Variants in SPAG5 observed in about 807,000 individuals in gnomAD.
SPAG5 encodes sperm associated antigen 5.
In SPAG5, 99 loss-of-function variants were observed where a neutral mutation model predicts 145.4. The observed-to-expected ratio is 0.68, with a 90% CI of 0.58 to 0.80. The LOEUF (loss-of-function observed/expected upper bound fraction) is 0.80. Ranked by LOEUF, SPAG5 falls within the 30% of genes least tolerant of loss-of-function variation. SPAG5 has a pLI of 0.00. For synonymous variants in SPAG5, 477 were observed against 525.4 expected, an observed-to-expected ratio of 0.91 and a Z score of 1.26; for missense variants, 1,192 against 1,416.0, an observed-to-expected ratio of 0.84 and a Z score of 2.54.
In SPAG5 at chr17:28,579,785, G is replaced by C; in HGVS notation, c.2850C>G (p.Thr950=). 1 of 1,614,166 alleles carries C rather than the reference G, an allele frequency of 6.2e-7. No homozygotes were observed. The highest frequency in any genetic ancestry group is 8.5e-7 in the Non-Finnish European group (1 of 1,180,020). ...GAAGGGAAACCATTGATGCTACTCG[G>C]GTGAAAGCACTCTTGTCACTTCCAA... ...PLLGSDKSAF[T]RVASMVSLQP... is the part of the protein sequence containing the mutation. Residue 950 remains threonine, a synonymous_variant, in exon 17 of 24, where the codon ACC becomes ACG. Transcript: ENST00000321765.
chr17:28,584,028 T>A, intron 13 of SPAG5, 42 bp from the exon 14 acceptor site: 1 of 1,613,044 alleles, frequency 6.2e-7, no homozygotes, highest in South Asian at 1.1e-5. Flanking sequence ...AGGGAGAATT[T>A]TAGTGCCCTG....
rs1408310342 is a variant in SPAG5, at chr17:28,578,163, G to A, written c.3429+55C>T. The A allele has an allele frequency of 8.1e-6, 13 of 1,608,712 alleles. 1 individual carries two copies. The highest frequency in any genetic ancestry group is 4.4e-5 in the South Asian group (4 of 90,960). ...TTGGTAGGACAGGGGAAACATGGCG[G>A]GGCATTTGTTAACGATGGTAGGAAA... On this transcript the variant is annotated intron_variant, in intron 22 of 23. Coordinates refer to ENST00000321765, the MANE Select transcript of SPAG5 (RefSeq NM_006461.4).
At chr17:28,584,592 C>T in intron 11 of SPAG5, 60 bp downstream of exon 11, 1 of 1,598,870 alleles carries the variant, frequency 6.3e-7, no homozygotes, top group Non-Finnish European at 8.6e-7. Context: ...TGCCACACTC[C>T]AAGCCTTAAC....
rs2070540792 is a variant in SPAG5, at chr17:28,580,114, G to T, written c.2692C>A (p.Gln898Lys). 1 of 1,612,908 alleles carries T rather than the reference G, an allele frequency of 6.2e-7. No homozygotes were observed. The highest frequency in any genetic ancestry group is 8.5e-7 in the Non-Finnish European group (1 of 1,179,250). Residue 898 changes from glutamine to lysine, a missense_variant, in exon 16 of 24, where the codon CAA becomes AAA. Gln to Lys is a moderately conservative substitution (Grantham distance 53). Around this residue, in one of 5 missense-constraint regions of SPAG5, gnomAD observed 709 missense variants for 840.7 expected, o/e 0.84. Coordinates refer to ENST00000321765, the MANE Select transcript of SPAG5 (RefSeq NM_006461.4). ...LQTKLKEKTE[Q>K]ETLLLSTACP... ...GCTGTACTCAGCAGAAGGGTCTCTT[G>T]TTCAGTCTAAGGGCAAAGAAGAAAA...
At chr17:28,597,012 G>A (rs1228539545) in intron 2 of SPAG5, among the ~76,000 whole-genome samples, 2 of 151,794 alleles carry the variant, frequency 1.3e-5, no homozygotes, top group African/African-American at 2.4e-5. Flanking sequence ...GCTTGAACCC[G>A]GGAGGCAGAG....
At chr17:28,588,990 T>C (rs1220597766) in intron 4 of SPAG5, among the ~76,000 whole-genome samples, 2 of 151,892 alleles carry the variant, frequency 1.3e-5, no homozygotes, top group Non-Finnish European at 2.9e-5. Flanking sequence ...CCAACAGTGG[T>C]CTTTTAGCTA....
Position 28,585,880 on chromosome 17 carries a change from A to T in SPAG5, c.1724T>A (p.Leu575His), listed in dbSNP as rs1440946164. 1 of 1,614,084 alleles carries T rather than the reference A, an allele frequency of 6.2e-7. No individual in the cohort carries two copies. The highest frequency in any genetic ancestry group is 1.7e-5 in the Admixed American group (1 of 60,006). Residue 575 changes from leucine (L) to histidine (H), a missense_variant, in exon 7 of 24, where the codon CTC (leucine) becomes CAC (histidine). By Grantham distance (99) the Leu-to-His change is moderately conservative. Coordinates refer to ENST00000321765, the MANE Select transcript of SPAG5 (RefSeq NM_006461.4). ...TCACCTTACCGCATCCTTGCCTCTGAGAGCCATTTCCTCTCTGTGCCTTGC... is the reference window on the plus strand; with the variant it reads ...TCACCTTACCGCATCCTTGCCTCTGTGAGCCATTTCCTCTCTGTGCCTTGC... ...EEARHREEMA[L>H]RGKDAAEIVL...
chr17:28,582,136 T>C (rs974026704), intron 15 of SPAG5, among the ~76,000 whole-genome samples: 1 of 152,232 alleles, frequency 6.6e-6, no homozygotes, highest in African/African-American at 2.4e-5. Context: ...TCTGGCCTCC[T>C]GCCTACTTCT....
chr17:28,591,299 G>C (rs1868263874), intron 4 of SPAG5, among the ~76,000 whole-genome samples: 1 of 152,104 alleles, frequency 6.6e-6, no homozygotes, highest in Admixed American at 6.5e-5. Flanking sequence ...CAGCTTTTTT[G>C]TTTTAAGAGA....
chr17:28,593,338 G>C (rs1397289648), intron 2 of SPAG5, among the ~76,000 whole-genome samples: 1 of 152,174 alleles, frequency 6.6e-6, no homozygotes, highest in Non-Finnish European at 1.5e-5. Context: ...TAGCTTGAAA[G>C]TGACCCCACT....
intron 17 of SPAG5, 51 bp downstream of exon 17, chr17:28,579,700 C>T: frequency 6.4e-7 from 1 of 1,563,040 alleles, no homozygotes; most frequent in East Asian, 2.2e-5. Context: ...CTTTACTCAT[C>T]ACCACCAGAT....
chr17:28,584,627 CAT>C (rs2070571244), intron 11 of SPAG5, 23 bp downstream of exon 11: 1 of 1,581,812 alleles, frequency 6.3e-7, no homozygotes. Flanking sequence ...TACATGCATG[CAT>C]ACACACACAC....
chr17:28,584,651 C>A lies in SPAG5; in HGVS notation c.2161+1G>T. 6.2e-7 allele frequency: 1 copy of A among 1,613,124 alleles called. No homozygotes were observed. The highest frequency in any genetic ancestry group is 8.5e-7 in the Non-Finnish European group (1 of 1,179,090). Reference sequence around the variant, plus strand: ...GCATACACACACACACACACAAACACCTGTTGCTAGACGACTGTTTTCCAA... The same window carrying A: ...GCATACACACACACACACACAAACAACTGTTGCTAGACGACTGTTTTCCAA... On this transcript the variant is annotated splice_donor_variant, in intron 11 of 23. Coordinates refer to ENST00000321765, the MANE Select transcript of SPAG5 (RefSeq NM_006461.4). LOFTEE classifies it high-confidence loss of function.
intron 4 of SPAG5, among the ~76,000 whole-genome samples, chr17:28,587,717 CAAA>C (rs765826333): frequency 2.0e-5 from 1 of 48,872 alleles, no homozygotes; most frequent in Admixed American, 2.3e-4. Context: ...GACCTCGTCT[CAAA>C]AAAAAAAAAA....
At chr17:28,577,837 G>A in intron 23 of SPAG5, 67 bp from the exon 24 acceptor site, 1 of 1,390,520 alleles carries the variant, frequency 7.2e-7, no homozygotes, top group Non-Finnish European at 1.0e-6. Flanking sequence ...CCAGCCCCAG[G>A]AGGCAGCCGC....
Position 28,585,587 on chromosome 17 carries a change from G to A in SPAG5, c.1807C>T (p.Leu603=), listed in dbSNP as rs376916052. 3.1e-6 allele frequency: 5 copies of A among 1,614,018 alleles called. No homozygotes were observed. The highest frequency in any genetic ancestry group is 1.3e-5 in the African/African-American group (1 of 74,938). The part of the protein sequence containing the change: ...SQRISQLEQD[L]ASMREFRGLL... The stretch of plus-strand genomic sequence containing the variant: ...CCTCTGAATTCCCGCATGGATGCTA[G>A]GTCCTGTTCCAGCTGGCTGATGCGC... The change falls in exon 8 of 24, where the codon CTA becomes TTA. Residue 603 remains leucine (L), a synonymous_variant. Coordinates refer to ENST00000321765, the MANE Select transcript of SPAG5 (RefSeq NM_006461.4).
intron 2 of SPAG5, among the ~76,000 whole-genome samples, chr17:28,593,941 A>G (rs2070642100): frequency 6.6e-6 from 1 of 152,074 alleles, no homozygotes; most frequent in Non-Finnish European, 1.5e-5. Flanking sequence ...TAGAGTTGAA[A>G]CTAGAATTAC....
intron 15 of SPAG5, among the ~76,000 whole-genome samples, chr17:28,581,953 C>T (rs1169036866): frequency 1.3e-5 from 2 of 152,194 alleles, no homozygotes; most frequent in Non-Finnish European, 2.9e-5. Context: ...GCCCTCTTTC[C>T]TAGCAATCTA....
intron 4 of SPAG5, among the ~76,000 whole-genome samples, chr17:28,590,433 C>T (rs2070612531): frequency 6.6e-6 from 1 of 152,006 alleles, no homozygotes; most frequent in Non-Finnish European, 1.5e-5. Context: ...TTTCACCATA[C>T]TTCTCAGGCT....
Sources: gnomAD v4.1 joint callset for allele counts (sites outside exome capture counted in the v4.1 genomes callset) on GRCh38, gnomAD v4.1.1 for gene constraint, gnomAD v4.1.1 regional missense constraint, MANE v1.5 for transcripts, NCBI Gene and HGNC (gene_info 2026-07-23, HGNC 2026-07-21) for gene names.